The following SLC10A7 variants were observed in gnomAD, a reference collection of about 807,000 sequenced individuals.
SLC10A7 encodes solute carrier family 10 member 7.
In SLC10A7, 29 loss-of-function variants were observed where a neutral mutation model predicts 43.2. That is an observed-to-expected ratio of 0.67 (90% CI 0.50 to 0.92). The LOEUF (loss-of-function observed/expected upper bound fraction) is 0.92. SLC10A7 is among the 40% of genes least tolerant of loss of function. The pLI, the probability that SLC10A7 is intolerant of heterozygous loss-of-function variation, is 0.00. For missense variants in SLC10A7, 295 were observed against 403.2 expected (o/e 0.73, Z 2.30); for synonymous variants, 152 against 144.8 (o/e 1.05, Z -0.35).
chr4:146,293,620 C>A (rs1486369100), intron 8 of SLC10A7, among the ~76,000 whole-genome samples: 2 of 152,048 alleles, frequency 1.3e-5, no homozygotes, highest in African/African-American at 4.8e-5. Context: ...CTATAATAAA[C>A]TAAATTGGTG....
At chr4:146,262,615 T>G (rs1728299410) in intron 10 of SLC10A7, among the ~76,000 whole-genome samples, 1 of 152,218 alleles carries the variant, frequency 6.6e-6, no homozygotes, top group African/African-American at 2.4e-5. Context: ...ATTTATTCAA[T>G]TAGAACTCAT....
At chr4:146,443,166 TA>T (rs1216801542) in intron 4 of SLC10A7, among the ~76,000 whole-genome samples, 11 of 152,200 alleles carry the variant, frequency 7.2e-5, no homozygotes, top group African/African-American at 2.4e-4. Context: ...GAGATTGATT[TA>T]TTTGTTTAAA....
At chr4:146,288,931 T>C (rs867677319) in intron 9 of SLC10A7, among the ~76,000 whole-genome samples, 2 of 152,228 alleles carry the variant, frequency 1.3e-5, no homozygotes, top group Admixed American at 6.5e-5. Context: ...TTCCACATAA[T>C]GTTTATTTTG....
intron 10 of SLC10A7, among the ~76,000 whole-genome samples, chr4:146,281,877 T>G (rs967348133): frequency 1.9e-4 from 29 of 152,182 alleles, no homozygotes; most frequent in African/African-American, 6.5e-4. Flanking sequence ...ATGGGCTCTC[T>G]CATGTAGTCC....
chr4:146,468,520 A>C (rs1032863938), intron 4 of SLC10A7, among the ~76,000 whole-genome samples: 1 of 146,202 alleles, frequency 6.8e-6, no homozygotes, highest in Non-Finnish European at 1.5e-5. Flanking sequence ...CCCAGGCTGG[A>C]GTGCAATGGC....
intron 1 of SLC10A7, among the ~76,000 whole-genome samples, chr4:146,520,565 G>A (rs528890566): frequency 6.6e-6 from 1 of 152,262 alleles, no homozygotes; most frequent in African/African-American, 2.4e-5. Context: ...AAGGGGAGAA[G>A]GGACCACTGC....
chr4:146,365,871 G>A (rs1736356929), intron 5 of SLC10A7, among the ~76,000 whole-genome samples: 3 of 152,226 alleles, frequency 2.0e-5, no homozygotes, highest in Non-Finnish European at 4.4e-5. Context: ...TGGCCTGTTA[G>A]GAACCCGGCC....
At chr4:146,521,305 C>T (rs1333829536) in intron 1 of SLC10A7, among the ~76,000 whole-genome samples, 1 of 151,880 alleles carries the variant, frequency 6.6e-6, no homozygotes, top group African/African-American at 2.4e-5. Flanking sequence ...ACCTAGATTC[C>T]CTTGGGATAG....
At chr4:146,443,307 A>C (rs1730756442) in intron 4 of SLC10A7, among the ~76,000 whole-genome samples, 1 of 152,222 alleles carries the variant, frequency 6.6e-6, no homozygotes, top group Non-Finnish European at 1.5e-5. Context: ...TAGAAATATG[A>C]ACAATGCTGT....
intron 5 of SLC10A7, among the ~76,000 whole-genome samples, chr4:146,406,326 C>A (rs1233354790): frequency 6.6e-6 from 1 of 152,156 alleles, no homozygotes; most frequent in African/African-American, 2.4e-5. Context: ...GGCTCTAGAG[C>A]AATTTTGGTT....
intron 5 of SLC10A7, among the ~76,000 whole-genome samples, chr4:146,401,201 A>C (rs906489186): frequency 6.6e-6 from 1 of 152,134 alleles, no homozygotes; most frequent in Non-Finnish European, 1.5e-5. Context: ...TTCTGGTTGG[A>C]AAGACCTTCT....
Position 146,266,253 on chromosome 4 carries a change from A to G in SLC10A7, c.848-7416T>C, listed in dbSNP as rs573815401. On this transcript the variant is annotated intron_variant, in intron 10 of 11. Coordinates refer to ENST00000335472, the MANE Select transcript of SLC10A7 (RefSeq NM_001029998.6). ...AATTCTATTTCTTCCTCCTTAGTGA[A>G]TCTTTCAGAAAAGCTCATGTTTGCC... 3.7e-4 allele frequency among the ~76,000 whole-genome samples: 57 copies of G among 152,334 alleles called. No individual in the cohort carries two copies. The South Asian group carries it at 0.011, about 29-fold the overall frequency.
intron 4 of SLC10A7, among the ~76,000 whole-genome samples, chr4:146,489,658 A>C (rs1032714734): frequency 1.3e-5 from 2 of 152,180 alleles, no homozygotes; most frequent in African/African-American, 4.8e-5. Flanking sequence ...AGAATTGTGC[A>C]TCAGAACAGT....
intron 1 of SLC10A7, among the ~76,000 whole-genome samples, chr4:146,518,886 G>A (rs1200606339): frequency 6.6e-6 from 1 of 151,142 alleles, no homozygotes; most frequent in Admixed American, 6.6e-5. Context: ...CTAGAACTGT[G>A]AGATAATAAA....
intron 5 of SLC10A7, among the ~76,000 whole-genome samples, chr4:146,440,889 C>T (rs1450178656): frequency 6.6e-6 from 1 of 152,190 alleles, no homozygotes; most frequent in Non-Finnish European, 1.5e-5. Context: ...AAGTCCTACC[C>T]ATACCTCAAG....
At chr4:146,394,950 A>G (rs1023939346) in intron 5 of SLC10A7, among the ~76,000 whole-genome samples, 3 of 152,186 alleles carry the variant, frequency 2.0e-5, no homozygotes, top group African/African-American at 7.2e-5. Flanking sequence ...AAAAGGGAAT[A>G]TTGTTCTCCA....
At chr4:146,284,022 G>A (rs184780613) in intron 9 of SLC10A7, among the ~76,000 whole-genome samples, 17 of 152,056 alleles carry the variant, frequency 1.1e-4, no homozygotes, top group Non-Finnish European at 2.9e-5. Flanking sequence ...TAAATGTTGT[G>A]GGGAGTCAGT....
At chr4:146,484,231 G>A (rs1009930812) in intron 4 of SLC10A7, among the ~76,000 whole-genome samples, 2 of 152,180 alleles carry the variant, frequency 1.3e-5, no homozygotes, top group African/African-American at 2.4e-5. Context: ...GCATGTGCCT[G>A]TAGTTCCAGC....
At chr4:146,427,837 T>TAA (rs1392004280) in intron 5 of SLC10A7, among the ~76,000 whole-genome samples, 11 of 152,192 alleles carry the variant, frequency 7.2e-5, no homozygotes, top group African/African-American at 2.7e-4. Context: ...GTTAGCCTGT[T>TAA]CTCAAAAATA....
Sources: gnomAD v4.1 joint callset for allele counts (sites outside exome capture counted in the v4.1 genomes callset) on GRCh38, gnomAD v4.1.1 for gene constraint, MANE v1.5 for transcripts, NCBI Gene and HGNC (gene_info 2026-07-23, HGNC 2026-07-21) for gene names.